The following NECAB3 variants were observed in gnomAD, a reference collection of about 807,000 sequenced individuals.
NECAB3 encodes N-terminal EF-hand calcium-binding protein 3.
In NECAB3, 38 loss-of-function variants were observed where a neutral mutation model predicts 57.2. The observed-to-expected ratio is 0.66, with a 90% confidence interval of 0.51 to 0.87. NECAB3 has a LOEUF of 0.87. Ranked by LOEUF, NECAB3 falls within the 40% of genes least tolerant of loss-of-function variation. NECAB3 has a pLI of 0.00. For missense variants in NECAB3, 474 were observed against 527.5 expected (o/e 0.90, Z 0.99); for synonymous variants, 223 against 222.6 (o/e 1.00, Z -0.02).
In NECAB3 at chr20:33,660,848, T is replaced by C. The variant is rs1235863578; in HGVS notation, c.388-453A>G. Among the ~76,000 whole-genome samples the C allele has an allele frequency of 6.6e-6, 1 of 152,202 alleles. No homozygotes were observed. Among genetic ancestry groups the C allele is most frequent in the Non-Finnish European group, 1.5e-5 (1 of 68,038 alleles). On this transcript the variant is annotated intron_variant, in intron 5 of 11. Coordinates refer to ENST00000246190, the MANE Select transcript of NECAB3 (RefSeq NM_031232.4). The surrounding 1 kb of genome is among the most constrained non-coding windows in gnomAD (Gnocchi z 4.1). ...ATTCACTCATTCATTCATTCACTCA[T>C]ACACACAACACTGGGTGCTTTTTAC...
chr20:33,659,655 T>C lies in NECAB3; in HGVS notation c.721A>G (p.Lys241Glu). The change falls in exon 8 of 12, where the codon AAG (lysine) becomes GAG (glutamate). Residue 241 changes from lysine (K) to glutamate (E), a missense_variant. Coordinates refer to ENST00000246190, the MANE Select transcript of NECAB3 (RefSeq NM_031232.4). ...LQELIDQLEC[K>E]VRAVGPGPHK... ...GGCCCTGGCCCCACGGCCCTCACCT[T>C]GCACTCGAGCTGGTCGATGAGCTCC... 1.2e-6 allele frequency: 2 copies of C among 1,611,196 alleles called. No individual in the cohort carries two copies. Among genetic ancestry groups the C allele is most frequent in the South Asian group, 2.2e-5 (2 of 90,902 alleles).
chr20:33,666,290 G>C (rs917294241), intron 5 of NECAB3, among the ~76,000 whole-genome samples: 6 of 152,194 alleles, frequency 3.9e-5, no homozygotes, highest in African/African-American at 1.4e-4. Context: ...AAGTGGTTTG[G>C]GAAAGGAATC....
upstream of NECAB3, chr20:33,674,472 C>CCCCCG (rs560565943): frequency 1.2e-3 from 1,015 of 873,532 alleles, 6 homozygotes; most frequent in African/African-American, 0.013. Context: ...TCAGGCCCCG[C>CCCCCG]CCCCGCCCCG....
At chr20:33,663,289 G>A in intron 5 of NECAB3, 1 of 558,646 alleles carries the variant, frequency 1.8e-6, no homozygotes, top group Non-Finnish European at 3.1e-6. Context: ...AAGTCAGCCT[G>A]GGATGGATGA....
chr20:33,668,052 G>A (rs1377540303), intron 5 of NECAB3: 12 of 1,559,522 alleles, frequency 7.7e-6, no homozygotes, highest in Non-Finnish European at 8.7e-6. Flanking sequence ...AGCTGGAGGC[G>A]CAGTGCCGGC....
At chr20:33,662,613 TCCCAAGGATGAGGATCCCAGGAG>T (rs2017516886) in intron 5 of NECAB3, 1 of 981,738 alleles carries the variant, frequency 1.0e-6, no homozygotes, top group Non-Finnish European at 1.5e-6. Flanking sequence ...CGAAAATCTC[TCCCAAGGATGAGGATCCCAGGAG>T]CCCATATGGG....
chr20:33,662,654 G>A (rs1461797074), intron 5 of NECAB3: 27 of 697,124 alleles, frequency 3.9e-5, no homozygotes, highest in Non-Finnish European at 6.1e-5. Flanking sequence ...GGGTGTGGAT[G>A]GGGGTCCTTT....
In NECAB3 at chr20:33,660,124, C is replaced by G. The variant is rs2017418704; in HGVS notation, c.525-121G>C. ...GCCCCAAAGCCAGTCTCATTTCACC[C>G]CGCCATGGCTACCCTGCCATGGCTT... On this transcript the variant is annotated intron_variant, in intron 6 of 11. Transcript: ENST00000246190. This position sits in a 1 kb window ranked among gnomAD's most constrained non-coding sequence, Gnocchi z 4.1. 6.6e-7 allele frequency: 1 copy of G among 1,525,014 alleles called. No homozygotes were observed. Among genetic ancestry groups the G allele is most frequent in the Non-Finnish European group, 8.8e-7 (1 of 1,138,484 alleles). 94.5% of individuals were successfully genotyped at this position (1,525,014 alleles called of 1,614,324 possible). A position where few individuals can be genotyped will look rare whatever the true frequency, so the allele number is the denominator to read the frequency against.
intron 5 of NECAB3, chr20:33,663,595 A>T (rs762199165): frequency 6.2e-7 from 1 of 1,611,244 alleles, no homozygotes; most frequent in Middle Eastern, 1.7e-4. Flanking sequence ...TGGGCAACGG[A>T]TTGACTACGC....
upstream of NECAB3, chr20:33,674,526 G>A (rs986961589): frequency 1.8e-6 from 1 of 546,598 alleles, no homozygotes; most frequent in African/African-American, 2.0e-5. Context: ...TCCAACTCCA[G>A]CGCCGCGGGC....
In NECAB3 at chr20:33,670,530, G is replaced by T. The variant is rs571993959; in HGVS notation, c.263+154C>A. The T allele has an allele frequency of 6.9e-5, 38 of 553,748 alleles. No individual in the cohort carries two copies. In the South Asian group the frequency reaches 8.7e-4, roughly 13 times the overall value. The allele number at this position is 553,748 out of a possible 1,614,324, so 34.3% of individuals were successfully genotyped here. ...GTGGGCAAGGCTGTAGCTGGAGAGG[G>T]GGTAGGCAGGCGGGTAAAGTTGGAA... On this transcript the variant is annotated intron_variant, in intron 3 of 11. Transcript: ENST00000246190.
chr20:33,669,361 G>C lies in NECAB3; in HGVS notation c.387+14C>G, dbSNP rs1224955179. ...CCTCACAGTGGATCCCCCACCATCA[G>C]CCACTCCACTCACCAGCTTGGTGGC... On this transcript the variant is annotated intron_variant, in intron 5 of 11. Transcript: ENST00000246190. 6.2e-7 allele frequency: 1 copy of C among 1,612,630 alleles called. No homozygotes were observed. Among genetic ancestry groups the C allele is most frequent in the East Asian group, 2.2e-5 (1 of 44,882 alleles).
chr20:33,670,939 C>T (rs1176525121), intron 2 of NECAB3, 147 bp from the exon 3 acceptor site: 2 of 614,886 alleles, frequency 3.3e-6, no homozygotes, highest in Non-Finnish European at 5.7e-6. Flanking sequence ...CAGTGGGGGG[C>T]CTGACTGTTG....
At chr20:33,663,321 A>G (rs1388604062) in intron 5 of NECAB3, 2 of 571,990 alleles carry the variant, frequency 3.5e-6, no homozygotes, top group Non-Finnish European at 6.1e-6. Context: ...AAGGAGGCGG[A>G]GTCCGGGGCG....
rs757416762 is a variant in NECAB3 at position 33,672,404 on chromosome 20, T to C, written c.148A>G (p.Lys50Glu). The C allele has an allele frequency of 6.2e-7, 1 of 1,614,074 alleles. No individual in the cohort carries two copies. Among genetic ancestry groups the C allele is most frequent in the African/African-American group, 1.3e-5 (1 of 74,938 alleles). Residue 50 changes from lysine to glutamate, a missense_variant, in exon 2 of 12, where the codon AAG (lysine) becomes GAG (glutamate). Transcript: ENST00000246190. ...LFQDVFRRAD[K>E]NDDGKLSFEE... The stretch of plus-strand genomic sequence containing the variant: ...CAGGGGAAGCCACACTCACCATTCT[T>C]GTCTGCTCTGCGGAAAACCTAGAGG...
In NECAB3 at chr20:33,660,598, G is replaced by A. The variant is rs956572621; in HGVS notation, c.388-203C>T. ...TTGTCCGGGACTGGCCTCCCTCCCC[G>A]GAGGTGTGAGGCCAACTCACAGGGG... On this transcript the variant is annotated intron_variant, in intron 5 of 11. Coordinates refer to ENST00000246190, the MANE Select transcript of NECAB3 (RefSeq NM_031232.4). The surrounding 1 kb of genome is among the most constrained non-coding windows in gnomAD (Gnocchi z 4.1). 5.3e-5 allele frequency among the ~76,000 whole-genome samples: 8 copies of A among 152,150 alleles called. No homozygotes were observed. Among genetic ancestry groups the A allele is most frequent in the African/African-American group, 9.7e-5 (4 of 41,440 alleles).
At chr20:33,667,994 C>T (rs1189243529) in intron 5 of NECAB3, 9 of 1,546,354 alleles carry the variant, frequency 5.8e-6, no homozygotes, top group East Asian at 2.4e-5. Context: ...GTGGTGCTAG[C>T]CGGCGGCTCC....
intron 5 of NECAB3, chr20:33,667,418 A>T (rs1601167891): frequency 2.1e-6 from 3 of 1,408,708 alleles, no homozygotes; most frequent in Non-Finnish European, 2.8e-6. Flanking sequence ...CTGGTGAGCG[A>T]CTCGCCGTTG....
chr20:33,667,886 C>T (rs761349068), intron 5 of NECAB3: 5 of 1,591,084 alleles, frequency 3.1e-6, no homozygotes, highest in Non-Finnish European at 4.3e-6. Flanking sequence ...ATCTTCCAGC[C>T]GGGCCTGCTG....
Sources: allele counts gnomAD v4.1 joint callset (sites outside exome capture counted in the v4.1 genomes callset), GRCh38; gene constraint gnomAD v4.1.1; non-coding constraint Gnocchi (gnomAD v3.1); transcripts MANE v1.5; gene names NCBI Gene and HGNC (gene_info 2026-07-23, HGNC 2026-07-21).